THSD7A: variants seen among roughly 807,000 people sequenced by gnomAD.
THSD7A encodes thrombospondin type-1 domain-containing protein 7A.
In THSD7A, 96 loss-of-function variants were observed where a neutral mutation model predicts 231.3. The observed-to-expected ratio is 0.41, with a 90% CI of 0.35 to 0.49. The LOEUF (loss-of-function observed/expected upper bound fraction) is 0.49, where lower values mean the gene tolerates loss of function less well. THSD7A is among the 20% of genes least tolerant of loss of function. The pLI, the probability that THSD7A is intolerant of heterozygous loss-of-function variation, is 0.05. For synonymous variants in THSD7A, 940 were observed against 743.3 expected (o/e 1.26, Z -4.30); for missense variants, 2,290 against 2,070.2 (o/e 1.11, Z -2.06).
At chr7:11,805,114 T>A (rs905552761) in intron 1 of THSD7A, among the ~76,000 whole-genome samples, 1 of 152,162 alleles carries the variant, frequency 6.6e-6, no homozygotes, top group African/African-American at 2.4e-5. Flanking sequence ...GCCTCTACTG[T>A]GTCCCTGAGT....
At chr7:11,386,437 T>C (rs1782747356) in intron 23 of THSD7A, among the ~76,000 whole-genome samples, 1 of 152,198 alleles carries the variant, frequency 6.6e-6, no homozygotes, top group South Asian at 2.1e-4. Context: ...TATCTCATTG[T>C]GGTTTTGATT....
intron 1 of THSD7A, among the ~76,000 whole-genome samples, chr7:11,696,587 A>G (rs2128143358): frequency 1.3e-5 from 2 of 151,252 alleles, no homozygotes; most frequent in Middle Eastern, 6.8e-3. Context: ...TCCCTCGCCT[A>G]TCCCCCTCCC....
At chr7:11,819,964 A>G (rs1251835651) in intron 1 of THSD7A, among the ~76,000 whole-genome samples, 2 of 152,166 alleles carry the variant, frequency 1.3e-5, no homozygotes, top group African/African-American at 2.4e-5. Flanking sequence ...TAAGTCTAAC[A>G]CTGCACCAAA....
chr7:11,391,547 G>A (rs1360399863), intron 23 of THSD7A, among the ~76,000 whole-genome samples: 1 of 152,198 alleles, frequency 6.6e-6, no homozygotes, highest in Admixed American at 6.5e-5. Flanking sequence ...TGTGGCACCT[G>A]CCCAGCCAGA....
At chr7:11,424,399 C>G (rs1317500426) in intron 16 of THSD7A, among the ~76,000 whole-genome samples, 2 of 152,090 alleles carry the variant, frequency 1.3e-5, no homozygotes, top group African/African-American at 4.8e-5. Flanking sequence ...TATATTTGGC[C>G]TTGAAGCAAA....
At chr7:11,652,317 A>T (rs182946757) in intron 1 of THSD7A, among the ~76,000 whole-genome samples, 1 of 152,086 alleles carries the variant, frequency 6.6e-6, no homozygotes, top group Admixed American at 6.6e-5. Context: ...ACAAATAATT[A>T]TTTAGGATAA....
chr7:11,585,800 C>A lies in THSD7A; in HGVS notation c.1453+4660G>T, dbSNP rs185072357. 2.0e-5 allele frequency among the ~76,000 whole-genome samples: 3 copies of A among 152,182 alleles called. No homozygotes were observed. In the East Asian group the frequency reaches 5.8e-4, roughly 29 times the overall value. ...ACCCACACTCACTCAGACAGGGACT[C>A]CGTAGACATGCCAATTCACCTGATG... On this transcript the variant is annotated intron_variant, in intron 4 of 27. Coordinates refer to ENST00000423059, the MANE Select transcript of THSD7A (RefSeq NM_015204.3).
At chr7:11,433,394 A>ATAAG (rs1404401018) in intron 13 of THSD7A, among the ~76,000 whole-genome samples, 1 of 152,036 alleles carries the variant, frequency 6.6e-6, no homozygotes, top group Non-Finnish European at 1.5e-5. Flanking sequence ...TTTTCTTTAA[A>ATAAG]TAAGTTATAG....
intron 4 of THSD7A, among the ~76,000 whole-genome samples, chr7:11,550,495 T>C (rs1240281720): frequency 6.6e-6 from 1 of 152,128 alleles, no homozygotes; most frequent in Non-Finnish European, 1.5e-5. Flanking sequence ...CCCATGCTAT[T>C]CTCATGATAG....
chr7:11,643,342 T>A (rs946809975), intron 1 of THSD7A, among the ~76,000 whole-genome samples: 1 of 152,016 alleles, frequency 6.6e-6, no homozygotes, highest in African/African-American at 2.4e-5. Flanking sequence ...TTTCTATTTG[T>A]TTTTACCCAA....
chr7:11,774,487 TACACACACACACACAC>T (rs71830837), intron 1 of THSD7A, among the ~76,000 whole-genome samples: 9 of 149,018 alleles, frequency 6.0e-5, no homozygotes, highest in South Asian at 2.2e-4. Flanking sequence ...TAAGCATTCT[TACACACACACACACAC>T]ACACACACAC....
At chr7:11,500,935 A>G (rs1787307859) in intron 6 of THSD7A, among the ~76,000 whole-genome samples, 1 of 143,926 alleles carries the variant, frequency 6.9e-6, no homozygotes, top group Admixed American at 7.3e-5. Flanking sequence ...CTCTGTCTCA[A>G]AAAAAGAAAG....
chr7:11,748,568 A>C (rs562001083), intron 1 of THSD7A, among the ~76,000 whole-genome samples: 3,914 of 151,994 alleles, frequency 0.026, 178 homozygotes, highest in African/African-American at 0.09. Flanking sequence ...CCCCTAAAAT[A>C]CCCTCAGAAC....
At chr7:11,809,402 T>C (rs1235069731) in intron 1 of THSD7A, among the ~76,000 whole-genome samples, 1 of 152,144 alleles carries the variant, frequency 6.6e-6, no homozygotes, top group Non-Finnish European at 1.5e-5. Context: ...CTATTATAGT[T>C]GTGGCTGTCT....
In THSD7A at chr7:11,474,175, A is replaced by T. The variant is rs1214193521; in HGVS notation, c.2252+159T>A. 6.6e-6 allele frequency among the ~76,000 whole-genome samples: 1 copy of T among 152,232 alleles called. No homozygotes were observed. Among genetic ancestry groups the T allele is most frequent in the East Asian group, 1.9e-4 (1 of 5,200 alleles). On this transcript the variant is annotated intron_variant, in intron 8 of 27. Coordinates refer to ENST00000423059, the MANE Select transcript of THSD7A (RefSeq NM_015204.3). The surrounding 1 kb of genome is among the most constrained non-coding windows in gnomAD (Gnocchi z 4.1). ...CCAGTATAAAACTCAAAGCTGTTAT[A>T]GCTTTATCAGTGGCTGACTTTCAAA...
At chr7:11,793,372 A>G (rs1784018685) in intron 1 of THSD7A, among the ~76,000 whole-genome samples, 2 of 151,956 alleles carry the variant, frequency 1.3e-5, no homozygotes, top group South Asian at 4.1e-4. Flanking sequence ...GGAACTAGAG[A>G]GTGAACTTGA....
intron 1 of THSD7A, among the ~76,000 whole-genome samples, chr7:11,722,130 T>C (rs1338138908): frequency 1.3e-5 from 2 of 152,042 alleles, no homozygotes; most frequent in Non-Finnish European, 2.9e-5. Context: ...TCCTTGTTAA[T>C]ACCTGGGCAT....
intron 19 of THSD7A, chr7:11,410,410 T>G (rs1297329494): frequency 6.6e-6 from 1 of 152,192 alleles, no homozygotes; most frequent in Non-Finnish European, 1.5e-5. Flanking sequence ...TACTAAACTC[T>G]AATGAGGTTA....
chr7:11,448,208 C>T lies in THSD7A; in HGVS notation c.2606-784G>A, dbSNP rs111478980. ...AAGTTTAAATTCATAAAAATTATTT[C>T]GCCTATGATATTGTTCTGCTGACTT... On this transcript the variant is annotated intron_variant, in intron 11 of 27. Transcript: ENST00000423059. Among the ~76,000 whole-genome samples, 10 of 152,074 alleles carry T rather than the reference C, an allele frequency of 6.6e-5. 2 individuals carry two copies. The highest frequency in any genetic ancestry group is 1.9e-4 in the East Asian group (1 of 5,160).
Sources: gnomAD v4.1 joint callset for allele counts (sites outside exome capture counted in the v4.1 genomes callset) on GRCh38, gnomAD v4.1.1 for gene constraint, Gnocchi (gnomAD v3.1) non-coding constraint, MANE v1.5 for transcripts, NCBI Gene and HGNC (gene_info 2026-07-23, HGNC 2026-07-21) for gene names.